UBASH3B: variants seen among roughly 807,000 people sequenced by gnomAD.
The protein encoded by UBASH3B is ubiquitin-associated and SH3 domain-containing protein B.
UBASH3B carries 37 observed loss-of-function variants against 83.4 expected under a neutral mutation model. The ratio of observed to expected loss-of-function variants is 0.44; its 90% CI spans 0.34 to 0.58. The LOEUF is 0.58. Ranked by LOEUF, UBASH3B falls within the 20% of genes least tolerant of loss-of-function variation. The probability of loss-of-function intolerance (pLI) is 0.01; values close to 1 mark genes in which losing one functional copy is unlikely to be tolerated. For synonymous variants in UBASH3B, 304 were observed against 318.3 expected, an observed-to-expected ratio of 0.96 and a Z score of 0.48; for missense variants, 657 against 827.2, an observed-to-expected ratio of 0.79 and a Z score of 2.52.
intron 1 of UBASH3B, among the ~76,000 whole-genome samples, chr11:122,688,262 TCCCTTCCTC>T (rs1003235896): frequency 6.6e-6 from 1 of 151,808 alleles, no homozygotes; most frequent in African/African-American, 2.4e-5. Flanking sequence ...TTCCCTTCCT[TCCCTTCCTC>T]CCCTTCCTTC....
At chr11:122,717,347 G>A (rs920266299) in intron 1 of UBASH3B, among the ~76,000 whole-genome samples, 3 of 152,200 alleles carry the variant, frequency 2.0e-5, no homozygotes, top group African/African-American at 7.2e-5. Context: ...AGGAAGTGAT[G>A]CTACCCCACA....
rs75052782 is a variant in UBASH3B at position 122,740,426 on chromosome 11, G to A, written c.162-35793G>A. ...TGGCTGGCTCTGTAAAGGGTGAACC[G>A]TGTGTTGTCCCAGGATTAGGATGCC... On this transcript the variant is annotated intron_variant, in intron 1 of 13. Coordinates refer to ENST00000284273, the MANE Select transcript of UBASH3B (RefSeq NM_032873.5). Among the ~76,000 whole-genome samples the A allele has an allele frequency of 5.2e-4, 79 of 152,334 alleles. No individual in the cohort carries two copies. In the East Asian group the frequency reaches 7.7e-3, roughly 15 times the overall value.
chr11:122,661,292 A>T (rs1258378187), intron 1 of UBASH3B, among the ~76,000 whole-genome samples: 1 of 152,232 alleles, frequency 6.6e-6, no homozygotes, highest in Admixed American at 6.5e-5. Flanking sequence ...GCTATGCCTC[A>T]CTGCCCAAAG....
intron 1 of UBASH3B, among the ~76,000 whole-genome samples, chr11:122,687,880 A>C (rs1177531434): frequency 6.6e-6 from 1 of 152,172 alleles, no homozygotes; most frequent in Non-Finnish European, 1.5e-5. Flanking sequence ...TCCTGCCATC[A>C]GTGCCTCATT....
At chr11:122,782,240 C>CA (rs60841034) in intron 4 of UBASH3B, 356 of 129,738 alleles carry the variant, frequency 2.7e-3, no homozygotes, top group East Asian at 0.021. Context: ...GACCCTGTCT[C>CA]AAAAAAAAAA....
chr11:122,682,099 G>A (rs1170222981), intron 1 of UBASH3B, among the ~76,000 whole-genome samples: 1 of 152,180 alleles, frequency 6.6e-6, no homozygotes, highest in Non-Finnish European at 1.5e-5. Context: ...AAGCTCGGAG[G>A]GATCACTGCG....
chr11:122,737,088 T>C (rs1179922616), intron 1 of UBASH3B, among the ~76,000 whole-genome samples: 1 of 152,060 alleles, frequency 6.6e-6, no homozygotes, highest in East Asian at 1.9e-4. Context: ...AGAAATCTAA[T>C]GTTGCCGGAA....
chr11:122,700,130 T>C (rs1225823970), intron 1 of UBASH3B, among the ~76,000 whole-genome samples: 1 of 152,200 alleles, frequency 6.6e-6, no homozygotes, highest in Non-Finnish European at 1.5e-5. Context: ...CAAGAGAAAC[T>C]GAGGTAACCA....
At chr11:122,731,719 T>C (rs1457644556) in intron 1 of UBASH3B, among the ~76,000 whole-genome samples, 1 of 152,236 alleles carries the variant, frequency 6.6e-6, no homozygotes, top group Non-Finnish European at 1.5e-5. Context: ...TGTTTATTTC[T>C]GCAATTTTTC....
chr11:122,797,057 C>T (rs370690779), intron 9 of UBASH3B, 24 bp downstream of exon 9: 5 of 1,563,954 alleles, frequency 3.2e-6, no homozygotes, highest in East Asian at 2.3e-5. Flanking sequence ...AGTGACTGCA[C>T]TCCAGGCATT....
At chr11:122,789,593 C>G (rs1861015975) in intron 6 of UBASH3B, among the ~76,000 whole-genome samples, 1 of 152,130 alleles carries the variant, frequency 6.6e-6, no homozygotes, top group African/African-American at 2.4e-5. Flanking sequence ...TGGCATCATC[C>G]CAGTGCTGCG....
At chr11:122,658,267 T>C (rs2135887142) in intron 1 of UBASH3B, among the ~76,000 whole-genome samples, 1 of 152,256 alleles carries the variant, frequency 6.6e-6, no homozygotes, top group Admixed American at 6.5e-5. Context: ...TACTGCCTTT[T>C]TTGAAATAAG....
chr11:122,797,121 T>C, intron 9 of UBASH3B, 88 bp downstream of exon 9: 1 of 1,484,446 alleles, frequency 6.7e-7, no homozygotes, highest in Non-Finnish European at 9.0e-7. Flanking sequence ...ACACTTCCTG[T>C]GGGTTTCTAT....
At chr11:122,760,500 A>G (rs1029014247) in intron 1 of UBASH3B, among the ~76,000 whole-genome samples, 2 of 152,068 alleles carry the variant, frequency 1.3e-5, no homozygotes, top group Non-Finnish European at 2.9e-5. Flanking sequence ...AGCTGGGATT[A>G]CAGGCATGCA....
intron 1 of UBASH3B, among the ~76,000 whole-genome samples, chr11:122,771,397 C>A (rs61276447): frequency 3.3e-5 from 5 of 152,094 alleles, no homozygotes; most frequent in Non-Finnish European, 7.4e-5. Context: ...CACGCCACCA[C>A]GCCCGGCTAA....
intron 1 of UBASH3B, among the ~76,000 whole-genome samples, chr11:122,753,497 CT>C (rs200062623): frequency 0.66 from 75,908 of 115,520 alleles, 24,286 homozygotes; most frequent in Non-Finnish European, 0.68. Context: ...TTTTTTCTTT[CT>C]TTTTTTTTTT....
intron 1 of UBASH3B, among the ~76,000 whole-genome samples, chr11:122,754,548 G>T (rs548431387): frequency 6.6e-6 from 1 of 152,308 alleles, no homozygotes; most frequent in East Asian, 1.9e-4. Flanking sequence ...GCTAGAGTTT[G>T]AAATGGCTGC....
intron 1 of UBASH3B, among the ~76,000 whole-genome samples, chr11:122,768,065 T>A (rs1450012535): frequency 1.3e-5 from 2 of 152,176 alleles, no homozygotes; most frequent in African/African-American, 4.8e-5. Context: ...TAAAAATGAC[T>A]GCTAGCCTGG....
At chr11:122,678,775 A>AT (rs1314635923) in intron 1 of UBASH3B, among the ~76,000 whole-genome samples, 2 of 152,202 alleles carry the variant, frequency 1.3e-5, no homozygotes, top group African/African-American at 4.8e-5. Context: ...AGTCAGGAGA[A>AT]TGAGTATCCA....
Sources: gnomAD v4.1 joint callset for allele counts (sites outside exome capture counted in the v4.1 genomes callset) on GRCh38, gnomAD v4.1.1 for gene constraint, MANE v1.5 for transcripts, NCBI Gene and HGNC (gene_info 2026-07-23, HGNC 2026-07-21) for gene names.